Variants in CDKN2A observed in about 807,000 individuals in gnomAD.
The protein encoded by CDKN2A is cyclin-dependent kinase inhibitor 2A.
A neutral mutation model predicts 11.1 loss-of-function variants in CDKN2A; 3 were observed. The ratio of observed to expected loss-of-function variants is 0.27; its 90% CI spans 0.12 to 0.70. CDKN2A has a LOEUF of 0.70. Ranked by LOEUF, CDKN2A falls within the 30% of genes least tolerant of loss-of-function variation. The pLI, the probability that CDKN2A is intolerant of heterozygous loss-of-function variation, is 0.77. For synonymous variants in CDKN2A, 122 were observed against 108.1 expected (o/e 1.13, Z -0.80); for missense variants, 265 against 233.6 (o/e 1.13, Z -0.88).
chr9:21,994,534 C>T, intron 1 of CDKN2A: 1 of 1,278,592 alleles, frequency 7.8e-7, no homozygotes, highest in East Asian at 2.7e-5. Flanking sequence ...CCCACCCCCA[C>T]TCCCACCCGG....
rs121913382 is a variant in CDKN2A at position 21,971,178 on chromosome 9, C to T, written c.181G>A (p.Glu61Lys). ...VMMMGSARVA[E>K]LLLLHGAEPN... ...TCCGCGCCGTGGAGCAGCAGCAGCT[C>T]CGCCACTCGGGCGCTGCCCATCATC... is the stretch of plus-strand genomic sequence containing the variant. The change falls in exon 2 of 3, where the codon GAG (glutamate) becomes AAG (lysine). Residue 61 changes from glutamate (E) to lysine (K), a missense_variant. Transcript: ENST00000304494. The T allele has an allele frequency of 6.3e-7, 1 of 1,597,164 alleles. No homozygotes were observed. Among genetic ancestry groups the T allele is most frequent in the Non-Finnish European group, 8.5e-7 (1 of 1,178,636 alleles).
chr9:21,984,228 C>G (rs955613949), intron 2 of CDKN2A, among the ~76,000 whole-genome samples: 2 of 151,990 alleles, frequency 1.3e-5, no homozygotes, highest in East Asian at 1.9e-4. Flanking sequence ...TGAATTCTAA[C>G]CCTCTGAAAA....
In CDKN2A at chr9:21,994,247, G is replaced by A. The variant is rs1316222103; in HGVS notation, c.-175-194C>T. 4.4e-6 allele frequency: 7 copies of A among 1,606,214 alleles called. No homozygotes were observed. In the Admixed American group the frequency reaches 1.2e-4, roughly 27 times the overall value. ...GGCGCTGCCCACTCCCCCGTGAGCCGCGGGATGTGAACCACGAAAACCCTC... is the reference window on the plus strand; with the variant it reads ...GGCGCTGCCCACTCCCCCGTGAGCCACGGGATGTGAACCACGAAAACCCTC... On this transcript the variant is annotated intron_variant, in intron 1 of 3. Transcript: ENST00000494262.
chr9:21,994,245 C>A (rs1225475921), intron 1 of CDKN2A: 3 of 1,606,336 alleles, frequency 1.9e-6, no homozygotes, highest in Non-Finnish European at 2.5e-6. Context: ...CCCCCGTGAG[C>A]CGCGGGATGT....
At chr9:21,969,531 G>A (rs1056514540) in intron 2 of CDKN2A, 13 of 388,186 alleles carry the variant, frequency 3.3e-5, no homozygotes, top group Non-Finnish European at 2.7e-5. Flanking sequence ...AGTAAGAGAA[G>A]GAAGGGAGGA....
intron 2 of CDKN2A, among the ~76,000 whole-genome samples, chr9:21,984,737 C>A (rs1271656091): frequency 6.6e-6 from 1 of 151,944 alleles, no homozygotes; most frequent in Admixed American, 6.6e-5. Context: ...ATTTCAGGGG[C>A]ACCATCTACA....
chr9:21,975,966 G>T (rs775333566), upstream of CDKN2A, among the ~76,000 whole-genome samples: 3 of 152,186 alleles, frequency 2.0e-5, no homozygotes, highest in Admixed American at 6.5e-5. Flanking sequence ...GAGTTTAAAT[G>T]ATGTATTAAT....
At chr9:21,992,539 C>T (rs1313055680) in intron 2 of CDKN2A, 3 of 531,912 alleles carry the variant, frequency 5.6e-6, no homozygotes, top group African/African-American at 4.1e-5. Flanking sequence ...TTTTGCATTT[C>T]ATGCATATAC....
In CDKN2A at chr9:21,968,593, G is replaced by T; in HGVS notation, c.458-351C>A. Reference sequence around the variant, plus strand: ...TGCTCACAATGCCAGGCGCGAAGGCGTGAAGATGTGGCCTTTCCCTTCCCG... The same window carrying T: ...TGCTCACAATGCCAGGCGCGAAGGCTTGAAGATGTGGCCTTTCCCTTCCCG... On this transcript the variant is annotated intron_variant, in intron 2 of 2. Transcript: ENST00000304494. The surrounding 1 kb of genome is among the most constrained non-coding windows in gnomAD (Gnocchi z 4.7). 3 of 1,483,452 alleles carry T rather than the reference G, an allele frequency of 2.0e-6. No individual in the cohort carries two copies. Among genetic ancestry groups the T allele is most frequent in the Non-Finnish European group, 2.7e-6 (3 of 1,122,434 alleles). 91.9% of individuals were successfully genotyped at this position (1,483,452 alleles called of 1,614,324 possible).
rs1292362822 is a variant in CDKN2A at position 21,968,999 on chromosome 9, G to C, written c.458-757C>G. 6.6e-6 allele frequency among the ~76,000 whole-genome samples: 1 copy of C among 152,140 alleles called. No individual in the cohort carries two copies. The highest frequency in any genetic ancestry group is 1.5e-5 in the Non-Finnish European group (1 of 68,034). On this transcript the variant is annotated intron_variant, in intron 2 of 2. Transcript: ENST00000304494. This position sits in a 1 kb window ranked among gnomAD's most constrained non-coding sequence, Gnocchi z 4.7. ...CTTGAGTTTCTTTCTCCCGTAGCTT[G>C]CATTAGATTCTCCGACCACTCTTTA...
Position 21,968,870 on chromosome 9 carries a change from C to G in CDKN2A, c.458-628G>C, listed in dbSNP as rs1043013429. ...GCTCCAGCTCGCCGTTCGGTTCTCC[C>G]GAGGCAGCATTTACACTTGAGAGTC... On this transcript the variant is annotated intron_variant, in intron 2 of 2. Transcript: ENST00000304494. The surrounding 1 kb of genome is among the most constrained non-coding windows in gnomAD (Gnocchi z 4.7). The G allele has an allele frequency of 2.5e-6, 3 of 1,193,874 alleles. No homozygotes were observed. The highest frequency in any genetic ancestry group is 2.6e-5 in the South Asian group (2 of 76,956). 74.0% of individuals were successfully genotyped at this position (1,193,874 alleles called of 1,614,324 possible).
At chr9:21,977,480 C>T (rs557497787), upstream of CDKN2A, among the ~76,000 whole-genome samples, 1 of 152,278 alleles carries the variant, frequency 6.6e-6, no homozygotes, top group East Asian at 1.9e-4. Flanking sequence ...ATTCTCCTGC[C>T]TCAGCCTCCC....
chr9:21,972,368 G>A (rs1819806992), intron 1 of CDKN2A, among the ~76,000 whole-genome samples: 1 of 152,080 alleles, frequency 6.6e-6, no homozygotes, highest in South Asian at 2.1e-4. Context: ...GAATTTTCAG[G>A]GTGGGCCCAA....
rs113792815 is a variant in CDKN2A, at chr9:21,988,926, A to G, written c.-4+4956T>C. On this transcript the variant is annotated intron_variant, in intron 2 of 3. Coordinates refer to the CDKN2A transcript ENST00000494262. The surrounding 1 kb of genome is among the most constrained non-coding windows in gnomAD (Gnocchi z 4.1). Reference sequence around the variant, plus strand: ...AGATGGAAACGTTCTTTGGTCCACCAAGCCCTATCGTTCTGCTCTTTGGAA... The same window carrying G: ...AGATGGAAACGTTCTTTGGTCCACCGAGCCCTATCGTTCTGCTCTTTGGAA... 6.6e-6 allele frequency among the ~76,000 whole-genome samples: 1 copy of G among 152,220 alleles called. No homozygotes were observed. The highest frequency in any genetic ancestry group is 2.4e-5 in the African/African-American group (1 of 41,468).
At chr9:21,992,872 T>G (rs1820462590) in intron 2 of CDKN2A, among the ~76,000 whole-genome samples, 1 of 152,160 alleles carries the variant, frequency 6.6e-6, no homozygotes, top group Non-Finnish European at 1.5e-5. Flanking sequence ...TGTCAATGTT[T>G]CAAAATGAAT....
chr9:21,990,938 A>G (rs1820416266), intron 2 of CDKN2A, among the ~76,000 whole-genome samples: 1 of 152,186 alleles, frequency 6.6e-6, no homozygotes, highest in South Asian at 2.1e-4. Flanking sequence ...GTTTTTCTTG[A>G]TGGTGAAGTG....
Position 21,974,365 on chromosome 9 carries a change from C to A in CDKN2A, c.150+313G>T, listed in dbSNP as rs1819921105. 7 of 1,516,808 alleles carry A rather than the reference C, an allele frequency of 4.6e-6. No homozygotes were observed. The highest frequency in any genetic ancestry group is 1.2e-5 in the South Asian group (1 of 84,322). 94.0% of individuals were successfully genotyped at this position (1,516,808 alleles called of 1,614,324 possible). ...ATTTCTTTAAGACTCCCTTTTTATC[C>A]CAAACGTTCGTAAATTTTGTATCTG... On this transcript the variant is annotated intron_variant, in intron 1 of 2. Transcript: ENST00000304494. This position sits in a 1 kb window ranked among gnomAD's most constrained non-coding sequence, Gnocchi z 5.2.
intron 2 of CDKN2A, among the ~76,000 whole-genome samples, chr9:21,993,680 G>A (rs1339213688): frequency 6.6e-6 from 1 of 152,186 alleles, no homozygotes. Flanking sequence ...CTGGAAGGTG[G>A]GAGAGGGTGA....
Position 21,994,398 on chromosome 9 carries a change from G to A in CDKN2A, c.-175-345C>T, listed in dbSNP as rs759021840. 1.9e-6 allele frequency: 3 copies of A among 1,607,410 alleles called. No individual in the cohort carries two copies. In the Admixed American group the frequency reaches 5.0e-5, roughly 27 times the overall value. Reference sequence around the variant, plus strand: ...CGCCCTTTGGCACCAGAGGTGAGCAGCGCCACTCCTGCCCCCTTAACTGCA... The same window carrying A: ...CGCCCTTTGGCACCAGAGGTGAGCAACGCCACTCCTGCCCCCTTAACTGCA... On this transcript the variant is annotated intron_variant, in intron 1 of 3. Coordinates refer to the CDKN2A transcript ENST00000494262.
Sources: allele counts gnomAD v4.1 joint callset (sites outside exome capture counted in the v4.1 genomes callset), GRCh38; gene constraint gnomAD v4.1.1; non-coding constraint Gnocchi (gnomAD v3.1); transcripts MANE v1.5; gene names NCBI Gene and HGNC (gene_info 2026-07-23, HGNC 2026-07-21).